CCL23: variants seen among roughly 807,000 people sequenced by gnomAD.
The protein encoded by CCL23 is C-C motif chemokine 23.
CCL23 carries 10 observed loss-of-function variants against 11.8 expected under a neutral mutation model. The ratio of observed to expected loss-of-function variants is 0.84; its 90% confidence interval spans 0.52 to 1.43. The LOEUF (loss-of-function observed/expected upper bound fraction) is 1.43, where lower values mean the gene tolerates loss of function less well. Ranked by LOEUF, CCL23 falls within the 40% of genes most tolerant of loss-of-function variation. The pLI, the probability that CCL23 is intolerant of heterozygous loss-of-function variation, is 0.00. For synonymous variants in CCL23, 60 were observed against 61.0 expected (o/e 0.98, Z 0.07); for missense variants, 181 against 170.9 (o/e 1.06, Z -0.33).
At chr17:36,017,601 G>A (rs2090106880) in intron 1 of CCL23, among the ~76,000 whole-genome samples, 1 of 152,148 alleles carries the variant, frequency 6.6e-6, no homozygotes, top group African/African-American at 2.4e-5. Context: ...CTGTGAAAAG[G>A]GAAATGATTG....
rs769560097 is a variant in CCL23 at position 36,013,773 on chromosome 17, C to T, written c.273G>A (p.Thr91=). 2.7e-5 allele frequency: 44 copies of T among 1,614,144 alleles called. No homozygotes were observed. In the South Asian group the frequency reaches 3.0e-4, roughly 11 times the overall value. ...PCSLLESYFE[T]NSECSKPGVI... ...CACCCGGCTTGGAGCACTCGCTGTT[C>T]GTTTCAAAGTAACTCTCCAGGAGTG... The change falls in exon 3 of 4, where the codon ACG becomes ACA. Residue 91 remains threonine (T), a synonymous_variant. Transcript: ENST00000615050.
Position 36,013,893 on chromosome 17 carries a change from C to A in CCL23, c.153G>T (p.Lys51Asn). The stretch of plus-strand genomic sequence containing the variant: ...GAGAAAGGGTCATCTGAGGACCAAT[C>A]TTTCTCCTCCAGAGCACTGTGGAGG... Reference protein sequence around the residue: ...PVLLDMLWRRKIGPQMTLSHA... With the variant: ...PVLLDMLWRRNIGPQMTLSHA... The change falls in exon 3 of 4, where the codon AAG (lysine) becomes AAT (asparagine). Residue 51 changes from lysine (K) to asparagine (N), a missense_variant. By Grantham distance (94) the Lys-to-Asn change is moderately conservative. Transcript: ENST00000615050. The A allele has an allele frequency of 6.2e-7, 1 of 1,614,194 alleles. No individual in the cohort carries two copies. Among genetic ancestry groups the A allele is most frequent in the South Asian group, 1.1e-5 (1 of 91,090 alleles).
At position 36,014,357 on chromosome 17, in the gene CCL23, A is replaced by C. The variant is rs778566548; in HGVS notation, c.113T>G (p.Leu38Trp). The change falls in exon 2 of 4, where the codon TTG (leucine) becomes TGG (tryptophan). Residue 38 changes from leucine to tryptophan, a missense_variant. Transcript: ENST00000615050. ...ETEFMMSKLP[L>W]ENPVLLDMLW... is the part of the protein sequence containing the mutation. ...ACTGTCCAGAAGTACTGGATTTTCC[A>C]ATGGAAGCTTTGACATCATGAACTC... 4.3e-6 allele frequency: 7 copies of C among 1,613,506 alleles called. No individual in the cohort carries two copies.
At chr17:36,014,499 C>T in intron 1 of CCL23, 106 bp from the exon 2 acceptor site, 1 of 867,224 alleles carries the variant, frequency 1.2e-6, no homozygotes, top group Non-Finnish European at 1.9e-6. Flanking sequence ...AGAAAGGTCC[C>T]TGAAGCTGGA....
intron 2 of CCL23, 125 bp from the exon 3 acceptor site, chr17:36,014,034 G>A (rs1202357696): frequency 7.1e-6 from 7 of 980,998 alleles, no homozygotes; most frequent in African/African-American, 1.6e-5. Context: ...GGCACTCAGG[G>A]TGGGCCAGAG....
Position 36,013,308 on chromosome 17 carries a change from GC to G in CCL23, c.303-1del. The G allele has an allele frequency of 6.2e-7, 1 of 1,606,490 alleles. No homozygotes were observed. ...AACGTCGCCCCTTCTTGGTGAGGAAGCTAGGGAACAAGGGGGAGAAAAGTTA... is the reference window on the plus strand; with the variant it reads ...AACGTCGCCCCTTCTTGGTGAGGAAGTAGGGAACAAGGGGGAGAAAAGTTA... On this transcript the variant is annotated splice_acceptor_variant, in intron 3 of 3. Transcript: ENST00000615050. LOFTEE classifies it high-confidence loss of function.
chr17:36,017,939 T>G lies in CCL23; in HGVS notation c.-42A>C. The G allele has an allele frequency of 6.2e-7, 1 of 1,607,138 alleles. No homozygotes were observed. Among genetic ancestry groups the G allele is most frequent in the Non-Finnish European group, 8.5e-7 (1 of 1,176,654 alleles). ...CAGGGCTGGCCGAGGACTCCTGGGC[T>G]CACTGCTTCCTGGCTTCTCGGGATG... On this transcript the variant is annotated 5_prime_UTR_variant, in exon 1 of 4. Transcript: ENST00000615050.
chr17:36,017,964 G>A lies in CCL23; in HGVS notation c.-67C>T. The A allele has an allele frequency of 1.3e-6, 2 of 1,549,478 alleles. No homozygotes were observed. Among genetic ancestry groups the A allele is most frequent in the Non-Finnish European group, 1.8e-6 (2 of 1,132,684 alleles). ...TCACTGCTTCCTGGCTTCTCGGGAT[G>A]CCAGTTCTGCCCTTGTATTTATAAG... On this transcript the variant is annotated 5_prime_UTR_variant, in exon 1 of 4. Coordinates refer to ENST00000615050, the MANE Select transcript of CCL23 (RefSeq NM_005064.6).
Position 36,013,169 on chromosome 17 carries a change from C to T in CCL23, c.*28G>A. On this transcript the variant is annotated 3_prime_UTR_variant, in exon 4 of 4. Transcript: ENST00000615050. ...TTGAGGCAAGAAAGTTGGTGGCTGG[C>T]AACTTGTGTCCCTTCACCTTGACAA... The T allele has an allele frequency of 7.2e-7, 1 of 1,395,842 alleles. No homozygotes were observed. The highest frequency in any genetic ancestry group is 1.0e-6 in the Non-Finnish European group (1 of 981,508). The allele number at this position is 1,395,842 out of a possible 1,614,324, so 86.5% of individuals were successfully genotyped here. A position where few individuals can be genotyped will look rare whatever the true frequency, so the allele number is the denominator to read the frequency against.
Position 36,017,858 on chromosome 17 carries a change from C to G in CCL23, c.40G>C (p.Val14Leu). 6.2e-7 allele frequency: 1 copy of G among 1,614,176 alleles called. No individual in the cohort carries two copies. Among genetic ancestry groups the G allele is most frequent in the Non-Finnish European group, 8.5e-7 (1 of 1,180,036 alleles). ...SVAALSCLMLVTALGSQARVT... is the reference protein window; with the variant it reads ...SVAALSCLMLLTALGSQARVT... ...CGGGCCTGGGATCCAAGGGCAGTAA[C>G]AAGCATGAGGCAGGAGAGGGCAGCC... Residue 14 changes from valine to leucine, a missense_variant, in exon 1 of 4, where the codon GTT becomes CTT. Coordinates refer to ENST00000615050, the MANE Select transcript of CCL23 (RefSeq NM_005064.6).
chr17:36,016,406 G>A lies in CCL23; in HGVS notation c.76+1416C>T, dbSNP rs538360086. 9.9e-5 allele frequency among the ~76,000 whole-genome samples: 15 copies of A among 152,154 alleles called. No homozygotes were observed. In the South Asian group the frequency reaches 1.5e-3, roughly 15 times the overall value. On this transcript the variant is annotated intron_variant, in intron 1 of 3. Coordinates refer to ENST00000615050, the MANE Select transcript of CCL23 (RefSeq NM_005064.6). ...TTCTCAGTGTTCAACTCCCACTTAC[G>A]AGTGAGAACATGTGGTGTTTGGCTT...
intron 2 of CCL23, 58 bp from the exon 3 acceptor site, chr17:36,013,967 C>A: frequency 6.6e-7 from 1 of 1,524,354 alleles, no homozygotes; most frequent in Non-Finnish European, 9.0e-7. Context: ...CCGTGACCAG[C>A]ACTTGCTGGC....
intron 3 of CCL23, 40 bp downstream of exon 3, chr17:36,013,704 C>A: frequency 6.2e-7 from 1 of 1,606,816 alleles, no homozygotes; most frequent in African/African-American, 1.3e-5. Flanking sequence ...GCTACAGAGT[C>A]CTTCTCCCTC....
Position 36,013,858 on chromosome 17 carries a change from C to G in CCL23, c.188G>C (p.Gly63Ala), listed in dbSNP as rs2090077282. The G allele has an allele frequency of 2.5e-6, 4 of 1,614,176 alleles. 1 individual carries two copies. The highest frequency in any genetic ancestry group is 8.5e-7 in the Non-Finnish European group (1 of 1,179,990). ...GCAGTCAGCACTAGTAGCATGGAAT[C>G]CTGCAGCATGAGAAAGGGTCATCTG... ...GPQMTLSHAA[G>A]FHATSADCCI... is the part of the protein sequence containing the mutation. Residue 63 changes from glycine (G) to alanine (A), a missense_variant, in exon 3 of 4, where the codon GGA (glycine) becomes GCA (alanine). Transcript: ENST00000615050.
At chr17:36,013,651 G>A in intron 3 of CCL23, 93 bp downstream of exon 3, 1 of 1,240,452 alleles carries the variant, frequency 8.1e-7, no homozygotes, top group Admixed American at 1.8e-5. Context: ...TCCAGAGGGT[G>A]GGCCCTGATG....
At chr17:36,017,033 T>TA (rs1193724464) in intron 1 of CCL23, among the ~76,000 whole-genome samples, 3 of 151,642 alleles carry the variant, frequency 2.0e-5, no homozygotes, top group African/African-American at 4.8e-5. Flanking sequence ...TTGGGTAAGG[T>TA]AAAAAAAAGA....
At chr17:36,013,695 C>G (rs377578794) in intron 3 of CCL23, 49 bp downstream of exon 3, 1 of 1,595,474 alleles carries the variant, frequency 6.3e-7, no homozygotes, top group African/African-American at 1.3e-5. Context: ...CTGCAAGATG[C>G]TACAGAGTCC....
chr17:36,013,164 G>A lies in CCL23; in HGVS notation c.*33C>T. 1.5e-6 allele frequency: 2 copies of A among 1,315,956 alleles called. No homozygotes were observed. Among genetic ancestry groups the A allele is most frequent in the Non-Finnish European group, 2.2e-6 (2 of 908,090 alleles). The allele number at this position is 1,315,956 out of a possible 1,614,324, so 81.5% of individuals were successfully genotyped here. A position where few individuals can be genotyped will look rare whatever the true frequency, so the allele number is the denominator to read the frequency against. Reference sequence around the variant, plus strand: ...GGTAGTTGAGGCAAGAAAGTTGGTGGCTGGCAACTTGTGTCCCTTCACCTT... The same window carrying A: ...GGTAGTTGAGGCAAGAAAGTTGGTGACTGGCAACTTGTGTCCCTTCACCTT... On this transcript the variant is annotated 3_prime_UTR_variant, in exon 4 of 4. Coordinates refer to ENST00000615050, the MANE Select transcript of CCL23 (RefSeq NM_005064.6).
chr17:36,017,616 C>T (rs1362563714), intron 1 of CCL23, among the ~76,000 whole-genome samples: 1 of 152,160 alleles, frequency 6.6e-6, no homozygotes, highest in Non-Finnish European at 1.5e-5. Flanking sequence ...TGATTGGCCC[C>T]ACATTGGACC....
Sources: allele counts gnomAD v4.1 joint callset (sites outside exome capture counted in the v4.1 genomes callset), GRCh38; gene constraint gnomAD v4.1.1; transcripts MANE v1.5; gene names NCBI Gene and HGNC (gene_info 2026-07-23, HGNC 2026-07-21).